Variants in PCDH15 observed in about 807,000 individuals in gnomAD.
PCDH15 encodes protocadherin-15.
In PCDH15, 129 loss-of-function variants were observed where a neutral mutation model predicts 178.5. The ratio of observed to expected loss-of-function variants is 0.72; its 90% CI spans 0.63 to 0.84. The LOEUF is 0.84. Among genes scored for constraint, PCDH15 ranks in the 40% least tolerant of loss-of-function variants. The pLI is 0.00. For synonymous variants in PCDH15, 800 were observed against 732.0 expected (o/e 1.09, Z -1.50); for missense variants, 2,230 against 2,099.9 (o/e 1.06, Z -1.21).
intron 1 of PCDH15, among the ~76,000 whole-genome samples, chr10:54,749,746 A>G (rs1945951715): frequency 6.6e-6 from 1 of 152,044 alleles, no homozygotes; most frequent in Admixed American, 6.5e-5. Context: ...CAATTGACAA[A>G]GTTAAATATG....
In PCDH15 at chr10:55,249,149, C is replaced by T. The variant is rs182500200; in HGVS notation, c.-156+70450G>A. Among the ~76,000 whole-genome samples, 84 of 152,092 alleles carry T rather than the reference C, an allele frequency of 5.5e-4. No homozygotes were observed. In the East Asian group the frequency reaches 0.015, roughly 26 times the overall value. ...CCGTATATATGAAACTTTATAGAGG[C>T]GACATAGTATAATCCGAGGGAAAAG... On this transcript the variant is annotated intron_variant, in intron 1 of 5. Coordinates refer to the PCDH15 transcript ENST00000458638.
At chr10:54,414,559 A>T (rs959653650) in intron 3 of PCDH15, among the ~76,000 whole-genome samples, 1 of 152,146 alleles carries the variant, frequency 6.6e-6, no homozygotes, top group Admixed American at 6.5e-5. Context: ...ATTTTCAGTC[A>T]GTGAATACTT....
chr10:53,890,212 G>T (rs1390658909), intron 26 of PCDH15, among the ~76,000 whole-genome samples: 2 of 152,188 alleles, frequency 1.3e-5, no homozygotes, highest in Non-Finnish European at 2.9e-5. Context: ...CGGATCACAA[G>T]GTCAGGAGAT....
At chr10:55,568,296 T>G (rs1842342634) in intron 2 of PCDH15, among the ~76,000 whole-genome samples, 1 of 151,928 alleles carries the variant, frequency 6.6e-6, no homozygotes, top group African/African-American at 2.4e-5. Flanking sequence ...TCAAGTAAAA[T>G]AAGCCACTCA....
intron 2 of PCDH15, among the ~76,000 whole-genome samples, chr10:54,642,565 AC>A (rs1277872520): frequency 1.3e-5 from 2 of 151,284 alleles, no homozygotes; most frequent in African/African-American, 4.9e-5. Context: ...ATGAACTGTC[AC>A]CAAAAGCAAT....
At chr10:54,513,454 T>C (rs1293485095) in intron 3 of PCDH15, among the ~76,000 whole-genome samples, 1 of 151,910 alleles carries the variant, frequency 6.6e-6, no homozygotes, top group Admixed American at 6.6e-5. Flanking sequence ...ATTTTATATG[T>C]CTACACACAA....
At chr10:54,178,277 T>A (rs1043613351) in intron 13 of PCDH15, among the ~76,000 whole-genome samples, 38 of 152,142 alleles carry the variant, frequency 2.5e-4, no homozygotes, top group Non-Finnish European at 2.5e-4. Context: ...GTATATTCTA[T>A]ACAAGATAGA....
intron 2 of PCDH15, among the ~76,000 whole-genome samples, chr10:54,657,685 T>G (rs1422859655): frequency 5.9e-5 from 9 of 151,928 alleles, no homozygotes; most frequent in Non-Finnish European, 1.3e-4. Flanking sequence ...ATAACATAAA[T>G]CACAGTAATC....
chr10:54,876,390 G>A (rs185846543), intron 3 of PCDH15, among the ~76,000 whole-genome samples: 25 of 152,152 alleles, frequency 1.6e-4, no homozygotes, highest in Admixed American at 6.6e-4. Flanking sequence ...GAGTAATGTC[G>A]GTGTTCAAGA....
At chr10:55,467,057 A>G (rs1396099391) in intron 2 of PCDH15, among the ~76,000 whole-genome samples, 1 of 152,190 alleles carries the variant, frequency 6.6e-6, no homozygotes, top group Non-Finnish European at 1.5e-5. Flanking sequence ...AGTTATTTAT[A>G]GGCGTATCTG....
At chr10:54,448,583 A>G (rs1185003307) in intron 3 of PCDH15, among the ~76,000 whole-genome samples, 2 of 151,690 alleles carry the variant, frequency 1.3e-5, no homozygotes, top group Non-Finnish European at 3.0e-5. Flanking sequence ...GTTGGAAACC[A>G]TAATCAGAAC....
intron 2 of PCDH15, among the ~76,000 whole-genome samples, chr10:55,377,146 T>TAAAAAA (rs398054373): frequency 2.8e-5 from 3 of 105,332 alleles, no homozygotes; most frequent in Non-Finnish European, 4.0e-5. Flanking sequence ...CTTTCTTCAC[T>TAAAAAA]AAAAAAAAAA....
rs567018603 is a variant in PCDH15 at position 54,133,825 on chromosome 10, C to T, written c.1785-818G>A. Among the ~76,000 whole-genome samples the T allele has an allele frequency of 5.3e-5, 8 of 151,496 alleles. No individual in the cohort carries two copies. The East Asian group carries it at 1.6e-3, about 29-fold the overall frequency. ...AGATCTGAAAATACATAAGGTTAGC[C>T]CTCTATCGTGAAAAAACATATATAT... On this transcript the variant is annotated intron_variant, in intron 14 of 37. Transcript: ENST00000644397.
intron 2 of PCDH15, among the ~76,000 whole-genome samples, chr10:55,022,278 C>A (rs571510321): frequency 2.0e-4 from 30 of 151,802 alleles, no homozygotes; most frequent in South Asian, 1.0e-3. Flanking sequence ...CATGGTAAAC[C>A]CTGTATCTAC....
chr10:55,377,660 C>T (rs904711372), intron 2 of PCDH15, among the ~76,000 whole-genome samples: 2 of 152,142 alleles, frequency 1.3e-5, no homozygotes, highest in South Asian at 2.1e-4. Flanking sequence ...ATCATTACAA[C>T]TTGGTTTACC....
Position 54,683,135 on chromosome 10 carries a change from T to A in PCDH15, c.-28-18845A>T, listed in dbSNP as rs537720897. ...AGGCTTTGCTATTGTTCAGATTTTT[T>A]AAATATTTTTAATTTTTTTCATTTA... On this transcript the variant is annotated intron_variant, in intron 1 of 37. Coordinates refer to ENST00000644397, the MANE Select transcript of PCDH15 (RefSeq NM_001384140.1). Among the ~76,000 whole-genome samples, 251 of 152,262 alleles carry A rather than the reference T, an allele frequency of 1.6e-3. 1 individual carries two copies. The highest frequency in any genetic ancestry group is 5.7e-3 in the African/African-American group (237 of 41,572).
chr10:54,712,038 C>G (rs935469089), intron 1 of PCDH15, among the ~76,000 whole-genome samples: 4 of 151,838 alleles, frequency 2.6e-5, no homozygotes, highest in African/African-American at 9.7e-5. Flanking sequence ...GAAATACTTA[C>G]AGGTATTTCT....
intron 3 of PCDH15, among the ~76,000 whole-genome samples, chr10:54,839,079 A>G (rs956387528): frequency 6.6e-6 from 1 of 152,170 alleles, no homozygotes; most frequent in African/African-American, 2.4e-5. Context: ...AAAGAGGTTT[A>G]CTTCTTCAAA....
At chr10:54,044,960 C>G (rs1472057678) in intron 18 of PCDH15, among the ~76,000 whole-genome samples, 1 of 152,116 alleles carries the variant, frequency 6.6e-6, no homozygotes, top group Non-Finnish European at 1.5e-5. Context: ...AAGTTCATCT[C>G]ATGGCAAAGT....
Sources: gnomAD v4.1 joint callset for allele counts (sites outside exome capture counted in the v4.1 genomes callset) on GRCh38, gnomAD v4.1.1 for gene constraint, MANE v1.5 for transcripts, NCBI Gene and HGNC (gene_info 2026-07-23, HGNC 2026-07-21) for gene names.